Variants in TMEM175 observed in about 807,000 individuals in gnomAD.
The protein encoded by TMEM175 is endosomal/lysosomal proton channel TMEM175.
TMEM175 carries 36 observed loss-of-function variants against 36.5 expected under a neutral mutation model. That is an observed-to-expected ratio of 0.99 (90% CI 0.76 to 1.30). The LOEUF (loss-of-function observed/expected upper bound fraction) is 1.30. Among genes scored for constraint, TMEM175 ranks in the 50% most tolerant of loss-of-function variants. The pLI is 0.00. For missense variants in TMEM175, 705 were observed against 692.8 expected (o/e 1.02, Z -0.20); for synonymous variants, 339 against 313.4 (o/e 1.08, Z -0.86).
intron 1 of TMEM175, among the ~76,000 whole-genome samples, chr4:946,421 C>T (rs1000780266): frequency 3.3e-5 from 5 of 152,070 alleles, no homozygotes; most frequent in Admixed American, 2.0e-4. Context: ...TCCATAGTGC[C>T]TGGTTGGCAC....
chr4:935,497 G>T (rs538367962), intron 1 of TMEM175, among the ~76,000 whole-genome samples: 1 of 152,170 alleles, frequency 6.6e-6, no homozygotes, highest in East Asian at 1.9e-4. Context: ...AAACATTTAT[G>T]CACCTAATAA....
rs367726970 is a variant in TMEM175, at chr4:946,265, G to A, written c.-31-1444G>A. On this transcript the variant is annotated intron_variant, in intron 1 of 10. Transcript: ENST00000264771. ...GGTCATAGCAGCCCTTCTGACTGGC[G>A]TCCTTGACACACTGCTGCCCTCTTC... 660 of 152,466 alleles carry A rather than the reference G, an allele frequency of 4.3e-3. 36 individuals are homozygous for A. In the South Asian group the frequency reaches 0.1, roughly 23 times the overall value. 9.4% of individuals were successfully genotyped at this position (152,466 alleles called of 1,614,324 possible).
chr4:956,579 A>G (rs1446820305), intron 10 of TMEM175: 2 of 792,656 alleles, frequency 2.5e-6, no homozygotes, highest in African/African-American at 1.9e-5. Flanking sequence ...AGTAGTTGGG[A>G]TTACAAGCAC....
Position 958,026 on chromosome 4 carries a change from C to G in TMEM175, c.1045C>G (p.Leu349Val), listed in dbSNP as rs770809901. Residue 349 changes from leucine to valine, a missense_variant, in exon 11 of 11, where the codon CTG becomes GTG. Physicochemically the swap from Leu to Val is conservative, Grantham distance 32 (BLOSUM62 1). Coordinates refer to ENST00000264771, the MANE Select transcript of TMEM175 (RefSeq NM_032326.4). ...RAMGLLNTLSLAFVGGLPLAY... is the reference protein window; with the variant it reads ...RAMGLLNTLSVAFVGGLPLAY... ...CATGGGGCTGCTGAACACGCTCTCG[C>G]TGGCCTTCGTGGGTGGCCTCCCACT... is the stretch of plus-strand genomic sequence containing the variant. 1.9e-6 allele frequency: 3 copies of G among 1,611,930 alleles called. No homozygotes were observed. The highest frequency in any genetic ancestry group is 1.7e-5 in the Admixed American group (1 of 59,994).
At chr4:949,731 C>T (rs570273808) in intron 3 of TMEM175, among the ~76,000 whole-genome samples, 85 of 151,848 alleles carry the variant, frequency 5.6e-4, no homozygotes, top group Non-Finnish European at 9.1e-4. Flanking sequence ...GCGAGGGCCC[C>T]GGTGCCTCCA....
At chr4:948,058 C>T in intron 2 of TMEM175, 58 bp from the exon 3 acceptor site, 1 of 1,613,902 alleles carries the variant, frequency 6.2e-7, no homozygotes, top group East Asian at 2.2e-5. Flanking sequence ...TACTGCCACA[C>T]CCAATCCAAC....
At chr4:933,232 C>T (rs1250966078) in intron 1 of TMEM175, among the ~76,000 whole-genome samples, 1 of 152,026 alleles carries the variant, frequency 6.6e-6, no homozygotes, top group Non-Finnish European at 1.5e-5. Context: ...TGATGCCAGG[C>T]GCGGTGGCTT....
chr4:957,950 G>A lies in TMEM175; in HGVS notation c.969G>A (p.Leu323=). 1.2e-6 allele frequency: 2 copies of A among 1,612,856 alleles called. No individual in the cohort carries two copies. The highest frequency in any genetic ancestry group is 1.7e-6 in the Non-Finnish European group (2 of 1,179,964). Residue 323 remains leucine (L), a synonymous_variant, in exon 11 of 11, where the codon CTG becomes CTA. Transcript: ENST00000264771. Reference sequence around the variant, plus strand: ...GCTCCTTCGCCACAGTGGGACTGCTGTGGTTCGCCCACCACTCACTCTTCC... The same window carrying A: ...GCTCCTTCGCCACAGTGGGACTGCTATGGTTCGCCCACCACTCACTCTTCC... ...YFGSFATVGL[L]WFAHHSLFLH...
intron 1 of TMEM175, among the ~76,000 whole-genome samples, chr4:939,039 G>A (rs1227659609): frequency 6.6e-6 from 1 of 152,260 alleles, no homozygotes; most frequent in East Asian, 1.9e-4. Context: ...GTACGTGCCT[G>A]TAGTCGCAGC....
intron 8 of TMEM175, 67 bp from the exon 9 acceptor site, chr4:955,338 T>G: frequency 2.4e-6 from 3 of 1,269,028 alleles, no homozygotes; most frequent in Non-Finnish European, 3.4e-6. Flanking sequence ...GCACACAGCT[T>G]TGTGTGGGTA....
chr4:951,728 C>T lies in TMEM175; in HGVS notation c.378+11C>T, dbSNP rs141475230. 4.1e-4 allele frequency: 662 copies of T among 1,614,064 alleles called. 2 individuals carry two copies. The African/African-American group carries it at 8.1e-3, about 20-fold the overall frequency. Reference sequence around the variant, plus strand: ...TTCCTGCCTTACACGGTGAGCAACACCAGGCCCCTGACACCCTGAGGCTTT... The same window carrying T: ...TTCCTGCCTTACACGGTGAGCAACATCAGGCCCCTGACACCCTGAGGCTTT... On this transcript the variant is annotated intron_variant, in intron 6 of 10. Coordinates refer to ENST00000264771, the MANE Select transcript of TMEM175 (RefSeq NM_032326.4).
intron 1 of TMEM175, among the ~76,000 whole-genome samples, chr4:942,007 T>G (rs188789626): frequency 4.5e-4 from 68 of 152,288 alleles, no homozygotes; most frequent in African/African-American, 1.5e-3. Context: ...ATTGATCCAC[T>G]TCGAGTTAAC....
rs539631252 is a variant in TMEM175 at position 947,268 on chromosome 4, C to T, written c.-31-441C>T. ...CCGAGAGCGAGAGCGGGGGAGAGCG[C>T]GGCCCTGTAGAGAACAGACAGCCCC... is the stretch of plus-strand genomic sequence containing the variant. On this transcript the variant is annotated intron_variant, in intron 1 of 10. Transcript: ENST00000264771. Among the ~76,000 whole-genome samples, 12 of 140,076 alleles carry T rather than the reference C, an allele frequency of 8.6e-5. No homozygotes were observed. In the South Asian group the frequency reaches 2.6e-3, roughly 30 times the overall value. The allele number at this position is 140,076 out of a possible 152,430, so 91.9% of individuals were successfully genotyped here.
At chr4:956,041 C>A in intron 10 of TMEM175, 151 bp downstream of exon 10, 1 of 1,026,664 alleles carries the variant, frequency 9.7e-7, no homozygotes, top group South Asian at 1.6e-5. Flanking sequence ...CAGGGCAGCC[C>A]CCACTTCAGG....
chr4:953,053 C>A, intron 7 of TMEM175, 137 bp from the exon 8 acceptor site: 1 of 848,438 alleles, frequency 1.2e-6, no homozygotes, highest in Non-Finnish European at 1.8e-6. Context: ...CCTGTGCGCG[C>A]GTGCCATGCA....
Position 940,955 on chromosome 4 carries a change from A to G in TMEM175, c.-31-6754A>G, listed in dbSNP as rs765337760. Reference sequence around the variant, plus strand: ...CAGGAGTCGGAGGTTGCAGTGAGCCAAGATTGTGCCACTGCACTCCAGCCT... The same window carrying G: ...CAGGAGTCGGAGGTTGCAGTGAGCCGAGATTGTGCCACTGCACTCCAGCCT... On this transcript the variant is annotated intron_variant, in intron 1 of 10. Transcript: ENST00000264771. 2.5e-4 allele frequency among the ~76,000 whole-genome samples: 37 copies of G among 150,710 alleles called. No homozygotes were observed. In the Middle Eastern group the frequency reaches 0.01, roughly 42 times the overall value.
At chr4:936,708 C>A (rs933478779) in intron 1 of TMEM175, among the ~76,000 whole-genome samples, 1 of 152,204 alleles carries the variant, frequency 6.6e-6, no homozygotes, top group African/African-American at 2.4e-5. Context: ...GTAATCCCAG[C>A]ACTTTGGGAG....
intron 1 of TMEM175, among the ~76,000 whole-genome samples, chr4:938,956 T>C (rs1393999840): frequency 6.6e-6 from 1 of 152,160 alleles, no homozygotes; most frequent in Non-Finnish European, 1.5e-5. Flanking sequence ...CAAGACAAAA[T>C]TGTGTGATTT....
At chr4:935,187 G>C (rs1726655210) in intron 1 of TMEM175, among the ~76,000 whole-genome samples, 1 of 152,192 alleles carries the variant, frequency 6.6e-6, no homozygotes, top group African/African-American at 2.4e-5. Context: ...TTGGAAACCA[G>C]AGTCAGACTA....
Sources: allele counts gnomAD v4.1 joint callset (sites outside exome capture counted in the v4.1 genomes callset), GRCh38; gene constraint gnomAD v4.1.1; transcripts MANE v1.5; gene names NCBI Gene and HGNC (gene_info 2026-07-23, HGNC 2026-07-21).